SLC25A21: variants seen among roughly 807,000 people sequenced by gnomAD.
SLC25A21 encodes the protein solute carrier family 25 member 21.
A neutral mutation model predicts 43.8 loss-of-function variants in SLC25A21; 47 were observed. That is an observed-to-expected ratio of 1.07 (90% CI 0.85 to 1.37). The LOEUF is 1.37. Among genes scored for constraint, SLC25A21 ranks in the 40% most tolerant of loss-of-function variants. The pLI, the probability that SLC25A21 is intolerant of heterozygous loss-of-function variation, is 0.00. For synonymous variants in SLC25A21, 131 were observed against 121.3 expected (o/e 1.08, Z -0.52); for missense variants, 352 against 350.2 (o/e 1.00, Z -0.04).
At chr14:36,692,579 C>G (rs1218632109) in intron 7 of SLC25A21, among the ~76,000 whole-genome samples, 1 of 152,172 alleles carries the variant, frequency 6.6e-6, no homozygotes, top group East Asian at 1.9e-4. Flanking sequence ...TAAACAGAAA[C>G]ATCGCTCATC....
At chr14:36,786,611 T>C (rs1159815265) in intron 3 of SLC25A21, among the ~76,000 whole-genome samples, 2 of 152,220 alleles carry the variant, frequency 1.3e-5, no homozygotes, top group South Asian at 4.1e-4. Flanking sequence ...CCCAACTCTT[T>C]GCAAGGCTCT....
intron 1 of SLC25A21, among the ~76,000 whole-genome samples, chr14:37,041,788 A>T (rs761404181): frequency 6.6e-6 from 1 of 152,228 alleles, no homozygotes; most frequent in African/African-American, 2.4e-5. Context: ...TTAGCAGATG[A>T]CAAGGTGGAT....
chr14:36,938,526 G>A (rs1892481870), intron 1 of SLC25A21, among the ~76,000 whole-genome samples: 1 of 152,054 alleles, frequency 6.6e-6, no homozygotes, highest in African/African-American at 2.4e-5. Context: ...GCATCCCGCT[G>A]AGCCTTAGTC....
At chr14:36,999,284 TTACA>T (rs1249591146) in intron 1 of SLC25A21, among the ~76,000 whole-genome samples, 2 of 152,072 alleles carry the variant, frequency 1.3e-5, no homozygotes, top group African/African-American at 4.8e-5. Context: ...TCTGAAAAGG[TTACA>T]TAAATACATG....
At chr14:36,759,398 C>T (rs543678731) in intron 3 of SLC25A21, among the ~76,000 whole-genome samples, 5 of 152,162 alleles carry the variant, frequency 3.3e-5, no homozygotes, top group East Asian at 3.9e-4. Flanking sequence ...TCCGTTTTGT[C>T]GTTCTTATGA....
intron 1 of SLC25A21, among the ~76,000 whole-genome samples, chr14:37,059,087 T>A (rs1430287349): frequency 6.6e-6 from 1 of 152,218 alleles, no homozygotes. Flanking sequence ...ACCATGAACA[T>A]CTTCAGGGCA....
intron 1 of SLC25A21, among the ~76,000 whole-genome samples, chr14:37,042,742 C>T (rs1019245285): frequency 2.0e-5 from 3 of 152,156 alleles, no homozygotes; most frequent in Non-Finnish European, 1.5e-5. Context: ...ATTGTGTAAA[C>T]CAGGGCATGT....
intron 1 of SLC25A21, among the ~76,000 whole-genome samples, chr14:37,044,345 A>G (rs934546593): frequency 1.3e-5 from 2 of 152,194 alleles, no homozygotes; most frequent in African/African-American, 4.8e-5. Flanking sequence ...GAAAAGAAAA[A>G]TACAAATATT....
chr14:36,776,171 C>T (rs1442765345), intron 3 of SLC25A21, among the ~76,000 whole-genome samples: 1 of 151,164 alleles, frequency 6.6e-6, no homozygotes, highest in East Asian at 1.9e-4. Context: ...CACACTCAAT[C>T]CATCAATTCT....
At chr14:36,812,389 A>G (rs1039210878) in intron 3 of SLC25A21, among the ~76,000 whole-genome samples, 3 of 151,788 alleles carry the variant, frequency 2.0e-5, no homozygotes, top group Non-Finnish European at 2.9e-5. Flanking sequence ...CATGCATATC[A>G]TTTGATCCTG....
At chr14:36,939,567 C>T (rs1401691352) in intron 1 of SLC25A21, among the ~76,000 whole-genome samples, 4 of 152,210 alleles carry the variant, frequency 2.6e-5, no homozygotes, top group Non-Finnish European at 5.9e-5. Flanking sequence ...CCCAACCTCT[C>T]TCCTTTCTCC....
At position 36,776,234 on chromosome 14, in the gene SLC25A21, C is replaced by CTTTTTTTTTTTTTTT. The variant is rs1397904925; in HGVS notation, c.203+37683_203+37684insAAAAAAAAAAAAAAA. 1.4e-3 allele frequency among the ~76,000 whole-genome samples: 109 copies of CTTTTTTTTTTTTTTT among 75,708 alleles called. 7 individuals are homozygous for CTTTTTTTTTTTTTTT. The highest frequency in any genetic ancestry group is 5.9e-3 in the African/African-American group (104 of 17,534). 49.7% of individuals were successfully genotyped at this position (75,708 alleles called of 152,430 possible). A position where few individuals can be genotyped will look rare whatever the true frequency, so the allele number is the denominator to read the frequency against. The stretch of plus-strand genomic sequence containing the variant: ...CTTTCTTTTTTCTTTTTCTTTCTTT[C>CTTTTTTTTTTTTTTT]TTTCTTTTTTTTTTTTTTTTGAGAT... On this transcript the variant is annotated intron_variant, in intron 3 of 9. Transcript: ENST00000331299.
At chr14:36,862,165 T>G (rs848043) in intron 2 of SLC25A21, among the ~76,000 whole-genome samples, 60,203 of 151,992 alleles carry the variant, frequency 0.4, 12,286 homozygotes, top group South Asian at 0.48. Flanking sequence ...GTTGGTGGGG[T>G]GTAAACTAGT....
intron 1 of SLC25A21, among the ~76,000 whole-genome samples, chr14:37,046,203 T>A (rs1961582056): frequency 6.6e-6 from 1 of 152,110 alleles, no homozygotes; most frequent in African/African-American, 2.4e-5. Context: ...CATGCTGCAA[T>A]GCTCCCTCTT....
At chr14:37,065,460 G>T (rs374814142) in intron 1 of SLC25A21, among the ~76,000 whole-genome samples, 3 of 152,196 alleles carry the variant, frequency 2.0e-5, no homozygotes, top group African/African-American at 7.2e-5. Context: ...CTCTCAGGCT[G>T]AGAAGAAACC....
At chr14:36,966,033 G>A (rs532827293) in intron 1 of SLC25A21, among the ~76,000 whole-genome samples, 320 of 152,102 alleles carry the variant, frequency 2.1e-3, no homozygotes, top group Admixed American at 4.4e-3. Flanking sequence ...AAAATTAAAA[G>A]TTTTTAAAAA....
At chr14:37,063,043 G>C (rs1201966431) in intron 1 of SLC25A21, among the ~76,000 whole-genome samples, 1 of 152,170 alleles carries the variant, frequency 6.6e-6, no homozygotes, top group East Asian at 1.9e-4. Context: ...GCAGGAGAGA[G>C]AATGAGTGCC....
chr14:37,049,774 A>G (rs1961666664), intron 1 of SLC25A21, among the ~76,000 whole-genome samples: 1 of 152,240 alleles, frequency 6.6e-6, no homozygotes, highest in Admixed American at 6.5e-5. Flanking sequence ...AATGTAATGT[A>G]TCCAAAATAT....
At chr14:36,752,761 C>T (rs1885756566) in intron 3 of SLC25A21, among the ~76,000 whole-genome samples, 1 of 152,116 alleles carries the variant, frequency 6.6e-6, no homozygotes, top group African/African-American at 2.4e-5. Context: ...GGAGCAGTTA[C>T]CCTCATGCTG....
Sources: gnomAD v4.1 joint callset for allele counts (sites outside exome capture counted in the v4.1 genomes callset) on GRCh38, gnomAD v4.1.1 for gene constraint, MANE v1.5 for transcripts, NCBI Gene and HGNC (gene_info 2026-07-23, HGNC 2026-07-21) for gene names.